ITPA: variants seen among roughly 807,000 people sequenced by gnomAD.
ITPA encodes the protein inosine triphosphatase.
In ITPA, 29 loss-of-function variants were observed where a neutral mutation model predicts 29.6. The ratio of observed to expected loss-of-function variants is 0.98; its 90% CI spans 0.73 to 1.34. The LOEUF (loss-of-function observed/expected upper bound fraction) is 1.34. Among genes scored for constraint, ITPA ranks in the 40% most tolerant of loss-of-function variants. The pLI is 0.00. For missense variants in ITPA, 241 were observed against 251.5 expected, an observed-to-expected ratio of 0.96 and a Z score of 0.28; for synonymous variants, 103 against 99.3, an observed-to-expected ratio of 1.04 and a Z score of -0.22.
chr20:3,218,006 C>T (rs376981839), intron 5 of ITPA, among the ~76,000 whole-genome samples: 1 of 151,942 alleles, frequency 6.6e-6, no homozygotes, highest in Non-Finnish European at 1.5e-5. Context: ...CAAGCTCCGC[C>T]TCCCTTGTTC....
At chr20:3,209,049 T>G (rs560259558), upstream of ITPA, 4 of 195,836 alleles carry the variant, frequency 2.0e-5, no homozygotes, top group Non-Finnish European at 4.3e-5. This position sits in a 1 kb window ranked among gnomAD's most constrained non-coding sequence, Gnocchi z 4.6. Context: ...AAGTTTGGGC[T>G]TGTTTTAGGC....
At chr20:3,210,179 T>G (rs1398280989) in intron 1 of ITPA, among the ~76,000 whole-genome samples, 1 of 152,180 alleles carries the variant, frequency 6.6e-6, no homozygotes, top group Non-Finnish European at 1.5e-5. Context: ...AGTTTCTGTT[T>G]GCAGGGACTT....
chr20:3,222,884 C>T (rs928588364), intron 7 of ITPA, among the ~76,000 whole-genome samples: 5 of 152,214 alleles, frequency 3.3e-5, no homozygotes, highest in African/African-American at 9.7e-5. Context: ...TACTGGCCGC[C>T]GTCTTGCACA....
At chr20:3,223,203 C>T (rs1180434584) in intron 7 of ITPA, among the ~76,000 whole-genome samples, 163 bp from the exon 8 acceptor site, 1 of 152,190 alleles carries the variant, frequency 6.6e-6, no homozygotes, top group Non-Finnish European at 1.5e-5. Flanking sequence ...AAACTTTATC[C>T]GATTTTTAAA....
chr20:3,205,024 T>C (rs2067060951), upstream of ITPA, among the ~76,000 whole-genome samples: 1 of 152,108 alleles, frequency 6.6e-6, no homozygotes, highest in Non-Finnish European at 1.5e-5. Context: ...CTAATTTTTG[T>C]ATTTTTAGTA....
chr20:3,213,222 T>C lies in ITPA; in HGVS notation c.120T>C (p.Ile40=). 1 of 1,614,222 alleles carries C rather than the reference T, an allele frequency of 6.2e-7. No individual in the cohort carries two copies. Among genetic ancestry groups the C allele is most frequent in the Non-Finnish European group, 8.5e-7 (1 of 1,180,038 alleles). ...CATGCACTTTGGTGGCACAGAAAAT[T>C]GACCGTATGTCTCTGTTTTGTTTTA... is the stretch of plus-strand genomic sequence containing the variant. ...KFPCTLVAQK[I]DLPEYQGEPD... is the part of the protein sequence containing the mutation. The change falls in exon 2 of 8, where the codon ATT becomes ATC. Residue 40 remains isoleucine (I), a synonymous_variant. Coordinates refer to ENST00000380113, the MANE Select transcript of ITPA (RefSeq NM_033453.4).
chr20:3,204,704 C>G (rs1287050254), upstream of ITPA: 2 of 1,415,728 alleles, frequency 1.4e-6, no homozygotes, highest in South Asian at 1.2e-5. Context: ...ATTTCCCAAT[C>G]TAGACTCCGC....
chr20:3,207,913 T>G (rs2067091346), upstream of ITPA, among the ~76,000 whole-genome samples: 1 of 147,626 alleles, frequency 6.8e-6, no homozygotes, highest in Admixed American at 6.9e-5. Context: ...GAGAATCGCT[T>G]CAACCCAGGA....
At chr20:3,211,197 A>C (rs1281751714) in intron 1 of ITPA, among the ~76,000 whole-genome samples, 4 of 144,744 alleles carry the variant, frequency 2.8e-5, no homozygotes, top group South Asian at 2.2e-4. Context: ...ACAGAGTCTC[A>C]CTCTGTCGCC....
Position 3,209,656 on chromosome 20 carries a change from G to A in ITPA, c.66+39G>A, listed in dbSNP as rs200957625. Reference sequence around the variant, plus strand: ...GTTGGGGGCTAACTGGGAGGCGGCTGGGAATAGGGCGGAGAAGGGGCTTCC... The same window carrying A: ...GTTGGGGGCTAACTGGGAGGCGGCTAGGAATAGGGCGGAGAAGGGGCTTCC... On this transcript the variant is annotated intron_variant, in intron 1 of 7. Coordinates refer to ENST00000380113, the MANE Select transcript of ITPA (RefSeq NM_033453.4). The surrounding 1 kb of genome is among the most constrained non-coding windows in gnomAD (Gnocchi z 4.6). The A allele has an allele frequency of 3.8e-6, 6 of 1,581,798 alleles. No individual in the cohort carries two copies. The East Asian group carries it at 1.3e-4, about 35-fold the overall frequency.
chr20:3,214,393 T>G (rs1402044985), intron 4 of ITPA, among the ~76,000 whole-genome samples: 2 of 142,408 alleles, frequency 1.4e-5, no homozygotes, highest in Non-Finnish European at 3.1e-5. Context: ...TGATACAGTC[T>G]CTCTCTGTTA....
chr20:3,204,184 G>A (rs1314563567), upstream of ITPA, among the ~76,000 whole-genome samples: 2 of 152,178 alleles, frequency 1.3e-5, no homozygotes, highest in East Asian at 1.9e-4. Flanking sequence ...GGGAGGAATG[G>A]AAAACCCCTG....
At chr20:3,227,291 C>T (rs573300297), downstream of ITPA, 8 of 208,488 alleles carry the variant, frequency 3.8e-5, no homozygotes, top group South Asian at 3.4e-4. Context: ...CACTGTGCGA[C>T]GTTGGAGGTG....
At chr20:3,204,677 T>G (rs1173960564), upstream of ITPA, 14 of 1,521,678 alleles carry the variant, frequency 9.2e-6, no homozygotes, top group Non-Finnish European at 1.2e-5. Flanking sequence ...GGCCGGGATC[T>G]CATAGGCCCC....
intron 6 of ITPA, among the ~76,000 whole-genome samples, chr20:3,221,590 C>T (rs1450477101): frequency 3.3e-5 from 5 of 152,180 alleles, no homozygotes; most frequent in Non-Finnish European, 5.9e-5. Context: ...GGCGAGGGCG[C>T]GTGGCCCCGG....
At chr20:3,220,843 A>G (rs1016094119) in intron 6 of ITPA, among the ~76,000 whole-genome samples, 1 of 152,002 alleles carries the variant, frequency 6.6e-6, no homozygotes, top group Non-Finnish European at 1.5e-5. Flanking sequence ...GGCGTGAGCT[A>G]CCACACCTGG....
At chr20:3,213,498 C>A (rs1006005169) in intron 3 of ITPA, 115 bp downstream of exon 3, 1 of 1,253,806 alleles carries the variant, frequency 8.0e-7, no homozygotes, top group Non-Finnish European at 1.1e-6. Context: ...TAGGACCGGC[C>A]CAGAGTCCTC....
intron 6 of ITPA, among the ~76,000 whole-genome samples, chr20:3,221,556 T>A (rs1423584657): frequency 3.7e-5 from 5 of 136,384 alleles, no homozygotes; most frequent in Admixed American, 3.6e-4. Flanking sequence ...TTCAGTGATG[T>A]CCCAATTTGT....
intron 5 of ITPA, among the ~76,000 whole-genome samples, chr20:3,217,752 A>T (rs1350993389): frequency 6.6e-6 from 1 of 152,178 alleles, no homozygotes; most frequent in East Asian, 1.9e-4. Context: ...TACAGGTATG[A>T]GCCACCGAGT....
Sources: gnomAD v4.1 joint callset for allele counts (sites outside exome capture counted in the v4.1 genomes callset) on GRCh38, gnomAD v4.1.1 for gene constraint, Gnocchi (gnomAD v3.1) non-coding constraint, MANE v1.5 for transcripts, NCBI Gene and HGNC (gene_info 2026-07-23, HGNC 2026-07-21) for gene names.